COP1: variants seen among roughly 807,000 people sequenced by gnomAD.
COP1 encodes the protein E3 ubiquitin-protein ligase COP1.
Under a neutral mutation model 101.3 loss-of-function variants are expected in COP1, and 24 were observed. That is an observed-to-expected ratio of 0.24 (90% CI 0.17 to 0.33). The LOEUF (loss-of-function observed/expected upper bound fraction) is 0.33. Among genes scored for constraint, COP1 ranks in the 10% least tolerant of loss-of-function variants. The pLI is 1.00. For missense variants in COP1, 663 were observed against 906.2 expected, an observed-to-expected ratio of 0.73 and a Z score of 3.45; for synonymous variants, 347 against 341.9, an observed-to-expected ratio of 1.01 and a Z score of -0.17.
At chr1:176,162,198 C>G (rs1694442372) in intron 5 of COP1, among the ~76,000 whole-genome samples, 1 of 152,096 alleles carries the variant, frequency 6.6e-6, no homozygotes. Flanking sequence ...TTCAACTATT[C>G]TTTTTTGTGT....
At chr1:175,989,842 C>A (rs1657993744) in intron 15 of COP1, among the ~76,000 whole-genome samples, 1 of 152,074 alleles carries the variant, frequency 6.6e-6, no homozygotes, top group South Asian at 2.1e-4. Context: ...AATACACACA[C>A]TAAAAATATT....
intron 15 of COP1, among the ~76,000 whole-genome samples, chr1:175,989,773 T>A (rs1657972456): frequency 6.6e-6 from 1 of 152,154 alleles, no homozygotes. Flanking sequence ...TGCTATATAA[T>A]CTTATTTCCC....
At chr1:176,104,989 CAT>C (rs1684070574) in intron 9 of COP1, among the ~76,000 whole-genome samples, 1 of 152,164 alleles carries the variant, frequency 6.6e-6, no homozygotes, top group Non-Finnish European at 1.5e-5. Flanking sequence ...TATGAACTTC[CAT>C]AGAGTTACCT....
At chr1:176,169,235 C>T (rs962663268) in intron 3 of COP1, among the ~76,000 whole-genome samples, 1 of 152,118 alleles carries the variant, frequency 6.6e-6, no homozygotes, top group African/African-American at 2.4e-5. Context: ...ACTTAAACTA[C>T]TTGGGGAGAA....
intron 1 of COP1, among the ~76,000 whole-genome samples, chr1:176,202,364 T>C (rs564038699): frequency 6.6e-6 from 1 of 151,946 alleles, no homozygotes; most frequent in African/African-American, 2.4e-5. Context: ...AATTTTTGTA[T>C]TTTTTGTAGA....
In COP1 at chr1:176,027,553, A is replaced by G; in HGVS notation, c.1729+19T>C. ...TTTAACCAACATCAAAGGAAGACAAATCTGCTTTCATTTCTTACCTGCACA... is the reference window on the plus strand; with the variant it reads ...TTTAACCAACATCAAAGGAAGACAAGTCTGCTTTCATTTCTTACCTGCACA... On this transcript the variant is annotated intron_variant, in intron 15 of 19. Coordinates refer to ENST00000367669, the MANE Select transcript of COP1 (RefSeq NM_022457.7). 7.0e-7 allele frequency: 1 copy of G among 1,424,268 alleles called. No homozygotes were observed. The highest frequency in any genetic ancestry group is 9.9e-7 in the Non-Finnish European group (1 of 1,007,894). The allele number at this position is 1,424,268 out of a possible 1,614,324, so 88.2% of individuals were successfully genotyped here.
intron 1 of COP1, 92 bp from the exon 2 acceptor site, chr1:176,184,784 T>C: frequency 1.2e-6 from 1 of 861,850 alleles, no homozygotes; most frequent in Non-Finnish European, 1.9e-6. Flanking sequence ...GAAATCATAT[T>C]TCAATATACA....
At chr1:176,139,809 G>A (rs1470801047) in intron 6 of COP1, among the ~76,000 whole-genome samples, 1 of 152,122 alleles carries the variant, frequency 6.6e-6, no homozygotes, top group African/African-American at 2.4e-5. Flanking sequence ...ACTGGGGTGG[G>A]GGAAGGAAGA....
Position 176,206,821 on chromosome 1 carries a change from G to A in COP1, c.158C>T (p.Ala53Val). 2 of 1,398,596 alleles carry A rather than the reference G, an allele frequency of 1.4e-6. No homozygotes were observed. Among genetic ancestry groups the A allele is most frequent in the East Asian group, 6.1e-5 (2 of 32,804 alleles). 86.6% of individuals were successfully genotyped at this position (1,398,596 alleles called of 1,614,324 possible). Residue 53 changes from alanine to valine, a missense_variant, in exon 1 of 20, where the codon GCC becomes GTC. Around this residue, in one of 4 missense-constraint regions of COP1, gnomAD observed 204 missense variants for 203.6 expected, o/e 1.00. Coordinates refer to ENST00000367669, the MANE Select transcript of COP1 (RefSeq NM_022457.7). ...GAGGCCGCCCGAGCCGGCGGCCTGG[G>A]CCACCCCGCCGGACACCAGCGCTGC... ...SAAALVSGGV[A>V]QAAGSGGLGG...
At chr1:176,142,201 G>A (rs945656179) in intron 6 of COP1, among the ~76,000 whole-genome samples, 5 of 151,590 alleles carry the variant, frequency 3.3e-5, no homozygotes, top group Admixed American at 1.3e-4. Flanking sequence ...AACAGAGAGA[G>A]CAACCACTAA....
intron 8 of COP1, among the ~76,000 whole-genome samples, chr1:176,127,561 C>CTGTGTGTGTGTGTGTGTGTGTGTG (rs71129555): frequency 6.7e-6 from 1 of 148,156 alleles, no homozygotes; most frequent in African/African-American, 2.5e-5. Context: ...TAGTATTCTA[C>CTGTGTGTGTGTGTGTGTGTGTGTG]TGTGTGTGTG....
At position 175,945,027 on chromosome 1, in the gene COP1, A is replaced by G; in HGVS notation, c.*126T>C. The stretch of plus-strand genomic sequence containing the variant: ...AAAGAAAAAAAGAAAAAAATATTCA[A>G]AACAAATCCAAAACCCATGATGACT... On this transcript the variant is annotated 3_prime_UTR_variant, in exon 20 of 20. Coordinates refer to ENST00000367669, the MANE Select transcript of COP1 (RefSeq NM_022457.7). The G allele has an allele frequency of 1.3e-6, 1 of 784,310 alleles. No individual in the cohort carries two copies. The highest frequency in any genetic ancestry group is 1.7e-5 in the South Asian group (1 of 59,506). 48.6% of individuals were successfully genotyped at this position (784,310 alleles called of 1,614,324 possible).
At chr1:176,206,542 G>A in intron 1 of COP1, 30 bp downstream of exon 1, 2 of 1,594,020 alleles carry the variant, frequency 1.3e-6, no homozygotes, top group South Asian at 2.2e-5. Flanking sequence ...CATAATTTAG[G>A]GACAAGGAGG....
chr1:176,172,208 C>T (rs922931521), intron 3 of COP1, among the ~76,000 whole-genome samples: 1 of 152,136 alleles, frequency 6.6e-6, no homozygotes, highest in Non-Finnish European at 1.5e-5. Context: ...TACCAACACG[C>T]CTGGCTAATT....
At chr1:175,965,803 C>T (rs566987406) in intron 18 of COP1, among the ~76,000 whole-genome samples, 29 of 152,144 alleles carry the variant, frequency 1.9e-4, no homozygotes, top group African/African-American at 6.7e-4. Flanking sequence ...AGGCTGGTCT[C>T]GAACTCCTGA....
rs558659901 is a variant in COP1 at position 176,120,369 on chromosome 1, G to A, written c.969-3688C>T. 4.6e-5 allele frequency among the ~76,000 whole-genome samples: 7 copies of A among 151,044 alleles called. No individual in the cohort carries two copies. The East Asian group carries it at 1.4e-3, about 29-fold the overall frequency. ...CAGGAGGCGGAGGTTGCAGTGAGCC[G>A]AGATCACACCACTGCACTCCAGCCT... On this transcript the variant is annotated intron_variant, in intron 8 of 19. Transcript: ENST00000367669.
chr1:176,101,113 T>C (rs560537115), intron 9 of COP1, among the ~76,000 whole-genome samples: 1 of 152,254 alleles, frequency 6.6e-6, no homozygotes, highest in South Asian at 2.1e-4. Flanking sequence ...ACATAAGGTG[T>C]ACATGGGTAA....
rs868463259 is a variant in COP1 at position 175,995,835 on chromosome 1, T to C, written c.1730-6356A>G. On this transcript the variant is annotated intron_variant, in intron 15 of 19. Transcript: ENST00000367669. ...CCAGAGGTACAAGGAGGAACTGGTATCATTCCTTCTGAAACTATTCCAATC... is the reference window on the plus strand; with the variant it reads ...CCAGAGGTACAAGGAGGAACTGGTACCATTCCTTCTGAAACTATTCCAATC... Among the ~76,000 whole-genome samples the C allele has an allele frequency of 2.7e-3, 406 of 152,152 alleles. 3 individuals are homozygous for C. Among genetic ancestry groups the C allele is most frequent in the African/African-American group, 9.2e-3 (380 of 41,508 alleles).
At chr1:176,137,745 A>G (rs1191725862) in intron 6 of COP1, among the ~76,000 whole-genome samples, 1 of 152,184 alleles carries the variant, frequency 6.6e-6, no homozygotes, top group Non-Finnish European at 1.5e-5. Flanking sequence ...TTAATAACTG[A>G]TAAGGGCAAA....
Sources: gnomAD v4.1 joint callset for allele counts (sites outside exome capture counted in the v4.1 genomes callset) on GRCh38, gnomAD v4.1.1 for gene constraint, gnomAD v4.1.1 regional missense constraint, MANE v1.5 for transcripts, NCBI Gene and HGNC (gene_info 2026-07-23, HGNC 2026-07-21) for gene names.